Variants in GAREM1 observed in about 807,000 individuals in gnomAD.
The protein encoded by GAREM1 is GRB2 associated regulator of MAPK1 subtype 1.
A neutral mutation model predicts 71.3 loss-of-function variants in GAREM1; 26 were observed. The ratio of observed to expected loss-of-function variants is 0.36; its 90% CI spans 0.27 to 0.51. GAREM1 has a LOEUF of 0.51. Among genes scored for constraint, GAREM1 ranks in the 20% least tolerant of loss-of-function variants. The pLI is 0.95. For synonymous variants in GAREM1, 440 were observed against 433.2 expected, an observed-to-expected ratio of 1.02 and a Z score of -0.20; for missense variants, 1,026 against 1,103.1, an observed-to-expected ratio of 0.93 and a Z score of 0.99.
intron 2 of GAREM1, among the ~76,000 whole-genome samples, chr18:32,354,169 T>C (rs1473195213): frequency 6.6e-6 from 1 of 152,212 alleles, no homozygotes; most frequent in Non-Finnish European, 1.5e-5. Context: ...ATTTATATTT[T>C]ATATCATACG....
chr18:32,388,729 G>C (rs1205935175), intron 2 of GAREM1, among the ~76,000 whole-genome samples: 4 of 152,138 alleles, frequency 2.6e-5, no homozygotes, highest in African/African-American at 9.7e-5. Context: ...TATCACGAAA[G>C]ACAAAGACGG....
At chr18:32,352,981 T>C (rs2047766615) in intron 2 of GAREM1, among the ~76,000 whole-genome samples, 1 of 152,228 alleles carries the variant, frequency 6.6e-6, no homozygotes, top group Admixed American at 6.5e-5. Context: ...CAATTTTTTA[T>C]TAATGAGAGG....
In GAREM1 at chr18:32,289,057, G is replaced by A. The variant is rs79751428; in HGVS notation, c.394-854C>T. On this transcript the variant is annotated intron_variant, in intron 3 of 5. Transcript: ENST00000269209. ...TACTAGAAAAACTGCAGGGACAAAAGCTACGCATATATTTGTTTTTTTGTT... is the reference window on the plus strand; with the variant it reads ...TACTAGAAAAACTGCAGGGACAAAAACTACGCATATATTTGTTTTTTTGTT... 1.9e-3 allele frequency among the ~76,000 whole-genome samples: 296 copies of A among 152,222 alleles called. 10 individuals are homozygous for A. In the East Asian group the frequency reaches 0.046, roughly 24 times the overall value.
intron 1 of GAREM1, among the ~76,000 whole-genome samples, chr18:32,436,754 A>T (rs1658087773): frequency 6.6e-6 from 1 of 152,226 alleles, no homozygotes; most frequent in African/African-American, 2.4e-5. Flanking sequence ...CCTAAAATGG[A>T]CAAAATCTCA....
chr18:32,405,739 C>A (rs995123456), intron 1 of GAREM1, among the ~76,000 whole-genome samples: 3 of 152,306 alleles, frequency 2.0e-5, no homozygotes, highest in Middle Eastern at 3.4e-3. Flanking sequence ...CTTTTCTCGA[C>A]CAATGGCTAA....
At chr18:32,439,478 AT>A (rs2048713206) in intron 1 of GAREM1, among the ~76,000 whole-genome samples, 1 of 152,074 alleles carries the variant, frequency 6.6e-6, no homozygotes, top group Admixed American at 6.5e-5. Context: ...CGATAAGGTG[AT>A]GCTCCAGGGG....
intron 2 of GAREM1, among the ~76,000 whole-genome samples, chr18:32,383,706 C>T (rs1817601773): frequency 6.6e-6 from 1 of 152,102 alleles, no homozygotes; most frequent in Non-Finnish European, 1.5e-5. Context: ...CTGGCGTTAG[C>T]CCTTTCAAGT....
At chr18:32,447,446 T>A (rs996536046) in intron 1 of GAREM1, among the ~76,000 whole-genome samples, 1 of 152,174 alleles carries the variant, frequency 6.6e-6, no homozygotes, top group Non-Finnish European at 1.5e-5. Flanking sequence ...GGGCATACAC[T>A]CCTTCTCCTC....
intron 4 of GAREM1, among the ~76,000 whole-genome samples, chr18:32,270,744 C>G (rs1030826212): frequency 1.3e-5 from 2 of 151,988 alleles, no homozygotes; most frequent in Admixed American, 6.6e-5. Flanking sequence ...AAAATAAGAA[C>G]GTAAGGCATT....
chr18:32,342,974 C>A (rs7227973), intron 2 of GAREM1, among the ~76,000 whole-genome samples: 33,458 of 152,072 alleles, frequency 0.22, 5,147 homozygotes, highest in African/African-American at 0.44. Context: ...CCTGAGCTCA[C>A]ATCAGAGTAT....
At chr18:32,362,468 A>G (rs1301517205) in intron 2 of GAREM1, among the ~76,000 whole-genome samples, 1 of 152,238 alleles carries the variant, frequency 6.6e-6, no homozygotes, top group Non-Finnish European at 1.5e-5. Flanking sequence ...TAGCCGGTCA[A>G]TAATAAACAA....
chr18:32,317,955 G>A (rs1289573114), intron 2 of GAREM1, among the ~76,000 whole-genome samples: 2 of 152,240 alleles, frequency 1.3e-5, no homozygotes, highest in South Asian at 2.1e-4. Flanking sequence ...GAATAACAGA[G>A]TCTTTGTGCC....
intron 3 of GAREM1, among the ~76,000 whole-genome samples, chr18:32,291,235 A>T (rs1230059348): frequency 6.6e-6 from 1 of 151,986 alleles, no homozygotes; most frequent in Non-Finnish European, 1.5e-5. Flanking sequence ...TAAAGTGCAA[A>T]AAAAGTTTAT....
intron 2 of GAREM1, among the ~76,000 whole-genome samples, chr18:32,358,197 G>A (rs2047824680): frequency 6.9e-6 from 1 of 144,686 alleles, no homozygotes; most frequent in African/African-American, 2.6e-5. Flanking sequence ...CTTTCGGAGA[G>A]CACACCCGGC....
chr18:32,297,017 T>G (rs2047147875), intron 3 of GAREM1, among the ~76,000 whole-genome samples: 1 of 152,180 alleles, frequency 6.6e-6, no homozygotes, highest in South Asian at 2.1e-4. Context: ...GGCCCACCAC[T>G]TGGTTCTGTA....
intron 1 of GAREM1, among the ~76,000 whole-genome samples, chr18:32,453,010 C>T (rs1415201070): frequency 6.6e-6 from 1 of 151,948 alleles, no homozygotes; most frequent in African/African-American, 2.4e-5. Context: ...TTTCACGCTG[C>T]TGATAAAGAC....
At chr18:32,406,845 A>G (rs1335060527) in intron 1 of GAREM1, among the ~76,000 whole-genome samples, 2 of 152,226 alleles carry the variant, frequency 1.3e-5, no homozygotes, top group Non-Finnish European at 1.5e-5. Context: ...ATAAGAAAGT[A>G]TAAGACTGAA....
intron 2 of GAREM1, among the ~76,000 whole-genome samples, chr18:32,381,899 G>A (rs145972865): frequency 6.6e-5 from 10 of 152,130 alleles, no homozygotes; most frequent in African/African-American, 1.2e-4. Flanking sequence ...CCTTAACCTC[G>A]TTCACCTGAA....
At chr18:32,312,585 T>C (rs949139427) in intron 2 of GAREM1, among the ~76,000 whole-genome samples, 4 of 152,052 alleles carry the variant, frequency 2.6e-5, no homozygotes, top group African/African-American at 9.7e-5. Context: ...ACCAGATATT[T>C]TGGGAGTTCT....
Sources: allele counts gnomAD v4.1 joint callset (sites outside exome capture counted in the v4.1 genomes callset), GRCh38; gene constraint gnomAD v4.1.1; transcripts MANE v1.5; gene names NCBI Gene and HGNC (gene_info 2026-07-23, HGNC 2026-07-21).